RYR3: variants seen among roughly 807,000 people sequenced by gnomAD.
The protein encoded by RYR3 is ryanodine receptor 3.
A neutral mutation model predicts 584.3 loss-of-function variants in RYR3; 207 were observed. The observed-to-expected ratio is 0.35, with a 90% confidence interval of 0.32 to 0.40. The LOEUF (loss-of-function observed/expected upper bound fraction) is 0.40, where lower values mean the gene tolerates loss of function less well. RYR3 is among the 10% of genes least tolerant of loss of function. The pLI, the probability that RYR3 is intolerant of heterozygous loss-of-function variation, is 1.00. For synonymous variants in RYR3, 2,416 were observed against 2,248.5 expected (o/e 1.07, Z -2.11); for missense variants, 5,616 against 6,089.2 (o/e 0.92, Z 2.59).
intron 6 of RYR3, among the ~76,000 whole-genome samples, chr15:33,540,239 T>C (rs2055703602): frequency 6.6e-6 from 1 of 152,096 alleles, no homozygotes; most frequent in South Asian, 2.1e-4. Context: ...TAAGTTTATG[T>C]TGGAGAAAGA....
chr15:33,807,707 G>T, intron 70 of RYR3, 138 bp downstream of exon 70: 1 of 842,642 alleles, frequency 1.2e-6, no homozygotes, highest in South Asian at 1.5e-5. Context: ...GCCTGCTCCA[G>T]GGAAGACAAC....
At chr15:33,564,731 T>C (rs1049767816) in intron 11 of RYR3, among the ~76,000 whole-genome samples, 3 of 152,204 alleles carry the variant, frequency 2.0e-5, no homozygotes, top group Non-Finnish European at 2.9e-5. Flanking sequence ...TTTTGCATTG[T>C]TGACTTACTG....
intron 3 of RYR3, among the ~76,000 whole-genome samples, chr15:33,526,799 G>T (rs1046217324): frequency 6.6e-6 from 1 of 151,978 alleles, no homozygotes; most frequent in Non-Finnish European, 1.5e-5. Context: ...TATTCTAGGG[G>T]GAGAGAGAAT....
chr15:33,822,535 C>G (rs892593533), intron 80 of RYR3, among the ~76,000 whole-genome samples: 2 of 152,212 alleles, frequency 1.3e-5, no homozygotes, highest in African/African-American at 4.8e-5. Flanking sequence ...CTTATGGGGC[C>G]TTTTGTTTAT....
At chr15:33,679,140 G>A (rs2064395098) in intron 38 of RYR3, among the ~76,000 whole-genome samples, 1 of 151,892 alleles carries the variant, frequency 6.6e-6, no homozygotes, top group South Asian at 2.1e-4. Flanking sequence ...GACCACAGAG[G>A]GCATGAGTTC....
chr15:33,410,729 G>T (rs1307229137), intron 1 of RYR3, among the ~76,000 whole-genome samples: 1 of 152,206 alleles, frequency 6.6e-6, no homozygotes, highest in African/African-American at 2.4e-5. Context: ...GTGGGTGGAA[G>T]GCCACGAGAG....
chr15:33,336,975 G>A (rs1000274536), intron 1 of RYR3, among the ~76,000 whole-genome samples: 18 of 142,724 alleles, frequency 1.3e-4, no homozygotes, highest in Non-Finnish European at 4.5e-5. Flanking sequence ...GGAGAATGGC[G>A]TGAACCTGGG....
intron 43 of RYR3, among the ~76,000 whole-genome samples, chr15:33,711,128 C>T (rs1357149212): frequency 7.2e-5 from 11 of 152,040 alleles, no homozygotes; most frequent in Admixed American, 6.6e-4. Context: ...ATTTTCCAAA[C>T]TTTTACACTC....
chr15:33,635,557 G>A (rs1022838342), intron 25 of RYR3, 57 bp from the exon 26 acceptor site: 149 of 1,333,062 alleles, frequency 1.1e-4, no homozygotes, highest in Middle Eastern at 1.9e-4. Context: ...AATTATTGAA[G>A]GTCTACGTTC....
chr15:33,364,959 G>T (rs1975278617), intron 1 of RYR3, among the ~76,000 whole-genome samples: 1 of 152,154 alleles, frequency 6.6e-6, no homozygotes, highest in Non-Finnish European at 1.5e-5. Flanking sequence ...AGACAAGAAG[G>T]TATATAAGAA....
Position 33,473,537 on chromosome 15 carries a change from A to C in RYR3, c.170A>C (p.Lys57Thr), listed in dbSNP as rs1167402707. ...TTCTTGGAACCCACTTCAGAAGCCA[A>C]GGTGAGATTGGCTGTCCGCCCTACA... ...LCFLEPTSEA[K>T]YIPPDLCVCN... Residue 57 changes from lysine (K) to threonine (T), a missense_variant and splice_region_variant, in exon 2 of 104, where the codon AAG becomes ACG. Lys to Thr is a moderately conservative substitution (Grantham distance 78, BLOSUM62 -1). Around this residue, in one of 9 missense-constraint regions of RYR3, gnomAD observed 1,284 missense variants for 1,344.6 expected, o/e 0.95. Coordinates refer to ENST00000634891, the MANE Select transcript of RYR3 (RefSeq NM_001036.6). The C allele has an allele frequency of 1.2e-6, 2 of 1,613,988 alleles. No individual in the cohort carries two copies. Among genetic ancestry groups the C allele is most frequent in the Non-Finnish European group, 1.7e-6 (2 of 1,179,858 alleles).
At chr15:33,379,301 A>G (rs992679670) in intron 1 of RYR3, among the ~76,000 whole-genome samples, 14 of 152,194 alleles carry the variant, frequency 9.2e-5, no homozygotes, top group Non-Finnish European at 5.9e-5. Flanking sequence ...ACACTTGACT[A>G]TTAGTGACTG....
chr15:33,667,052 G>A (rs546026502), intron 36 of RYR3, among the ~76,000 whole-genome samples: 6 of 152,284 alleles, frequency 3.9e-5, no homozygotes, highest in East Asian at 1.9e-4. Flanking sequence ...AACCACAAAC[G>A]TGACCCAACC....
intron 87 of RYR3, among the ~76,000 whole-genome samples, chr15:33,836,445 C>T (rs772298114): frequency 2.6e-5 from 4 of 152,012 alleles, no homozygotes; most frequent in Non-Finnish European, 5.9e-5. Context: ...CAGATCACCA[C>T]CAACTAGAAT....
Position 33,584,470 on chromosome 15 carries a change from A to G in RYR3, c.1649A>G (p.Asp550Gly). 6.4e-7 allele frequency: 1 copy of G among 1,574,536 alleles called. No homozygotes were observed. The highest frequency in any genetic ancestry group is 8.7e-7 in the Non-Finnish European group (1 of 1,145,384). Residue 550 changes from aspartate (D) to glycine (G), a missense_variant, in exon 15 of 104, where the codon GAC becomes GGC. Asp to Gly is a moderately conservative substitution (Grantham distance 94). This residue lies in a region of RYR3 where 1,284 missense variants were observed against 1,344.6 expected (regional missense o/e 0.95). Coordinates refer to ENST00000634891, the MANE Select transcript of RYR3 (RefSeq NM_001036.6). ...CTTGATTGGCTCATCAGTAAATTGG[A>G]CAGACTAGAATCTTCCTCAGGTGAG... The part of the protein sequence containing the change: ...NNLDWLISKL[D>G]RLESSSGILE...
At chr15:33,490,134 A>G (rs1446081181) in intron 2 of RYR3, among the ~76,000 whole-genome samples, 1 of 152,248 alleles carries the variant, frequency 6.6e-6, no homozygotes, top group Non-Finnish European at 1.5e-5. Context: ...GGGAATGATT[A>G]CAAAGTGTTC....
chr15:33,353,816 G>T (rs150444724), intron 1 of RYR3, among the ~76,000 whole-genome samples: 1 of 151,934 alleles, frequency 6.6e-6, no homozygotes. Flanking sequence ...GCAGAAGAAG[G>T]CATCCTATAT....
chr15:33,499,293 T>C, intron 2 of RYR3, among the ~76,000 whole-genome samples: 1 of 149,182 alleles, frequency 6.7e-6, no homozygotes, highest in African/African-American at 2.5e-5. Context: ...TCTCCCCATC[T>C]CTCCCTCCTC....
intron 1 of RYR3, among the ~76,000 whole-genome samples, chr15:33,457,954 A>G (rs530950865): frequency 6.6e-6 from 1 of 152,208 alleles, no homozygotes; most frequent in South Asian, 2.1e-4. Context: ...GGGGAAAGGA[A>G]AATAAGGATC....
Sources: gnomAD v4.1 joint callset for allele counts (sites outside exome capture counted in the v4.1 genomes callset) on GRCh38, gnomAD v4.1.1 for gene constraint, gnomAD v4.1.1 regional missense constraint, MANE v1.5 for transcripts, NCBI Gene and HGNC (gene_info 2026-07-23, HGNC 2026-07-21) for gene names.